MARCHF3: variants seen among roughly 807,000 people sequenced by gnomAD.
The protein encoded by MARCHF3 is E3 ubiquitin-protein ligase MARCHF3.
A neutral mutation model predicts 24.2 loss-of-function variants in MARCHF3; 13 were observed. That is an observed-to-expected ratio of 0.54 (90% CI 0.35 to 0.85). The LOEUF (loss-of-function observed/expected upper bound fraction) is 0.85, where lower values mean the gene tolerates loss of function less well. MARCHF3 is among the 40% of genes least tolerant of loss of function. MARCHF3 has a pLI of 0.01. For synonymous variants in MARCHF3, 144 were observed against 137.3 expected (o/e 1.05, Z -0.34); for missense variants, 276 against 325.0 (o/e 0.85, Z 1.16).
intron 1 of MARCHF3, among the ~76,000 whole-genome samples, chr5:127,017,050 T>C (rs2126861144): frequency 6.6e-6 from 1 of 152,134 alleles, no homozygotes; most frequent in South Asian, 2.1e-4. Context: ...CACTCTTAGG[T>C]GTGAATTGAA....
chr5:127,018,017 T>C (rs370335796), intron 1 of MARCHF3, among the ~76,000 whole-genome samples: 1 of 152,206 alleles, frequency 6.6e-6, no homozygotes, highest in Non-Finnish European at 1.5e-5. Flanking sequence ...TCTACCTTCA[T>C]GGAGTTTATA....
chr5:127,018,127 T>G (rs1458516660), intron 1 of MARCHF3, among the ~76,000 whole-genome samples: 2 of 152,204 alleles, frequency 1.3e-5, no homozygotes, highest in Non-Finnish European at 2.9e-5. Flanking sequence ...TCCCAGCACT[T>G]TGGGAGACCA....
intron 1 of MARCHF3, among the ~76,000 whole-genome samples, chr5:126,921,346 G>T (rs1160608789): frequency 6.0e-5 from 9 of 150,768 alleles, no homozygotes; most frequent in Non-Finnish European, 1.2e-4. Flanking sequence ...GGCGGAGGAG[G>T]AAAGGAAGCA....
intron 3 of MARCHF3, among the ~76,000 whole-genome samples, chr5:126,912,973 A>AT (rs1425320654): frequency 6.6e-6 from 1 of 152,238 alleles, no homozygotes; most frequent in Non-Finnish European, 1.5e-5. Flanking sequence ...AGAGCACCTC[A>AT]CACATTCTCA....
chr5:126,954,435 G>A (rs1184863305), intron 1 of MARCHF3, among the ~76,000 whole-genome samples: 3 of 151,452 alleles, frequency 2.0e-5, no homozygotes, highest in African/African-American at 7.3e-5. Flanking sequence ...CAGCGGCATG[G>A]CCATGGGTCA....
intron 1 of MARCHF3, among the ~76,000 whole-genome samples, chr5:126,920,232 GTTGTT>G (rs1030293717): frequency 3.3e-5 from 4 of 121,198 alleles, no homozygotes; most frequent in South Asian, 2.5e-4. Context: ...GGGCCAGACA[GTTGTT>G]TTGTTTTGTT....
chr5:126,944,492 G>C (rs890372607), intron 1 of MARCHF3, among the ~76,000 whole-genome samples: 11 of 152,266 alleles, frequency 7.2e-5, no homozygotes, highest in African/African-American at 2.6e-4. Flanking sequence ...CTGAGGCAGG[G>C]GAACTGCTTG....
intron 1 of MARCHF3, among the ~76,000 whole-genome samples, chr5:126,935,729 G>A (rs1270206537): frequency 7.0e-6 from 1 of 143,356 alleles, no homozygotes; most frequent in Non-Finnish European, 1.5e-5. Flanking sequence ...TCCTGCCTCA[G>A]TCTCCCAAGT....
rs34150806 is a variant in MARCHF3, at chr5:126,870,611, C to T, written c.*22G>A. On this transcript the variant is annotated 3_prime_UTR_variant, in exon 5 of 5. Transcript: ENST00000308660. ...TCCAAACCCCAAACAATGAATCAAA[C>T]AACCAACCAACCATACAAACATCAA... is the stretch of plus-strand genomic sequence containing the variant. 0.15 allele frequency: 243,139 copies of T among 1,589,544 alleles called. 20,382 individuals are homozygous for T. Among genetic ancestry groups the T allele is most frequent in the Admixed American group, 0.32 (18,728 of 59,050 alleles).
intron 1 of MARCHF3, among the ~76,000 whole-genome samples, chr5:126,973,636 T>C (rs1013901785): frequency 1.3e-5 from 2 of 152,214 alleles, no homozygotes; most frequent in South Asian, 2.1e-4. Context: ...CTAAAATGCA[T>C]TGTAATGACT....
At chr5:126,986,926 T>C (rs749101418) in intron 1 of MARCHF3, among the ~76,000 whole-genome samples, 1 of 152,236 alleles carries the variant, frequency 6.6e-6, no homozygotes, top group Non-Finnish European at 1.5e-5. Context: ...AGGAAGAAGA[T>C]GGCAAATAGA....
rs556219902 is a variant in MARCHF3 at position 126,984,553 on chromosome 5, C to T, written c.-57+45797G>A. ...GGTGGCGAGAGCTGGGCTTCCAGGGCGGGCCCCTGAGAGCCAGCCACTCTC... is the reference window on the plus strand; with the variant it reads ...GGTGGCGAGAGCTGGGCTTCCAGGGTGGGCCCCTGAGAGCCAGCCACTCTC... On this transcript the variant is annotated intron_variant, in intron 1 of 4. Transcript: ENST00000308660. Among the ~76,000 whole-genome samples the T allele has an allele frequency of 1.3e-3, 205 of 152,292 alleles. 1 individual carries two copies. The highest frequency in any genetic ancestry group is 3.9e-3 in the Admixed American group (60 of 15,308).
intron 1 of MARCHF3, among the ~76,000 whole-genome samples, chr5:126,952,796 A>G (rs554450163): frequency 6.6e-6 from 1 of 152,080 alleles, no homozygotes; most frequent in East Asian, 1.9e-4. Context: ...TTCTTCTATT[A>G]CCCAAATCCT....
At position 126,918,022 on chromosome 5, in the gene MARCHF3, C is replaced by T. The variant is rs982512762; in HGVS notation, c.150G>A (p.Gln50=). 7.4e-6 allele frequency: 12 copies of T among 1,614,080 alleles called. No homozygotes were observed. In the Admixed American group the frequency reaches 1.5e-4, roughly 20 times the overall value. ...GAGTCCGCACTACTGTTGACAGCAG[C>T]TGCCCGTCCTTGGCTGAAACTTGCA... The part of the protein sequence containing the change: ...YVMQVSAKDG[Q]LLSTVVRTLA... Residue 50 remains glutamine (Q), a synonymous_variant, in exon 2 of 5, where the codon CAG becomes CAA. Transcript: ENST00000308660.
intron 1 of MARCHF3, among the ~76,000 whole-genome samples, chr5:127,010,041 T>C (rs1752428786): frequency 6.6e-6 from 1 of 152,178 alleles, no homozygotes; most frequent in Non-Finnish European, 1.5e-5. Flanking sequence ...AGGAACCTGG[T>C]GACTCCTGGT....
intron 2 of MARCHF3, among the ~76,000 whole-genome samples, chr5:126,916,880 C>A (rs1471762454): frequency 6.6e-6 from 1 of 152,198 alleles, no homozygotes; most frequent in Non-Finnish European, 1.5e-5. Flanking sequence ...TCATCCTGTT[C>A]TGAGTCCTAA....
intron 3 of MARCHF3, among the ~76,000 whole-genome samples, chr5:126,891,004 A>G (rs1411446114): frequency 6.6e-6 from 1 of 150,486 alleles, no homozygotes; most frequent in Admixed American, 6.6e-5. Flanking sequence ...ATGGTATCTC[A>G]TTGTGGTTTT....
intron 3 of MARCHF3, among the ~76,000 whole-genome samples, chr5:126,879,770 C>T (rs891655907): frequency 6.6e-6 from 1 of 152,186 alleles, no homozygotes; most frequent in Non-Finnish European, 1.5e-5. Flanking sequence ...ATGTAGTAAA[C>T]AGAGGCCAAG....
At chr5:126,896,010 G>A (rs1237808163) in intron 3 of MARCHF3, among the ~76,000 whole-genome samples, 2 of 152,074 alleles carry the variant, frequency 1.3e-5, no homozygotes, top group African/African-American at 4.8e-5. Flanking sequence ...GATATAATCT[G>A]GTGCGCCGTT....
Sources: gnomAD v4.1 joint callset for allele counts (sites outside exome capture counted in the v4.1 genomes callset) on GRCh38, gnomAD v4.1.1 for gene constraint, MANE v1.5 for transcripts, NCBI Gene and HGNC (gene_info 2026-07-23, HGNC 2026-07-21) for gene names.